RGS7: variants seen among roughly 807,000 people sequenced by gnomAD.
The protein encoded by RGS7 is regulator of G protein signaling 7.
RGS7 carries 27 observed loss-of-function variants against 81.1 expected under a neutral mutation model. The observed-to-expected ratio is 0.33, with a 90% CI of 0.25 to 0.46. The LOEUF (loss-of-function observed/expected upper bound fraction) is 0.46, where lower values mean the gene tolerates loss of function less well. Ranked by LOEUF, RGS7 falls within the 20% of genes least tolerant of loss-of-function variation. RGS7 has a pLI of 1.00. For missense variants in RGS7, 396 were observed against 607.4 expected (o/e 0.65, Z 3.66); for synonymous variants, 208 against 207.7 (o/e 1.00, Z -0.01).
intron 9 of RGS7, among the ~76,000 whole-genome samples, chr1:240,831,273 G>A (rs1262665228): frequency 6.6e-6 from 1 of 152,046 alleles, no homozygotes; most frequent in African/African-American, 2.4e-5. Context: ...AATTCTTGAA[G>A]ATTAAAAAAG....
intron 2 of RGS7, among the ~76,000 whole-genome samples, chr1:241,296,639 C>G (rs1250799021): frequency 6.6e-6 from 1 of 152,212 alleles, no homozygotes; most frequent in Non-Finnish European, 1.5e-5. Context: ...GAGGCCACCA[C>G]CACAGCAACC....
chr1:241,212,191 T>C (rs796150255), intron 2 of RGS7, among the ~76,000 whole-genome samples: 20 of 152,160 alleles, frequency 1.3e-4, no homozygotes, highest in African/African-American at 4.1e-4. Flanking sequence ...AATACACATG[T>C]AATAACTGGA....
intron 4 of RGS7, among the ~76,000 whole-genome samples, chr1:240,967,576 G>T (rs936508719): frequency 1.0e-4 from 13 of 130,242 alleles, no homozygotes; most frequent in Non-Finnish European, 1.9e-4. Flanking sequence ...AGTGGGGGGG[G>T]GGGGGAAAAG....
chr1:241,220,934 G>A (rs2074859357), intron 2 of RGS7, among the ~76,000 whole-genome samples: 2 of 145,440 alleles, frequency 1.4e-5, no homozygotes, highest in Admixed American at 7.2e-5. Context: ...AAGGAAGAAA[G>A]GAAGGAAGGA....
intron 3 of RGS7, among the ~76,000 whole-genome samples, chr1:241,005,100 C>T (rs1484879981): frequency 3.9e-5 from 6 of 152,190 alleles, no homozygotes; most frequent in African/African-American, 1.4e-4. Context: ...GGAGGAAACA[C>T]TCAGGAACTT....
chr1:241,218,074 T>A (rs1423593147), intron 2 of RGS7, among the ~76,000 whole-genome samples: 1 of 152,212 alleles, frequency 6.6e-6, no homozygotes, highest in East Asian at 1.9e-4. Context: ...GATATGTGTG[T>A]GTGTGTATAA....
chr1:240,894,537 C>T (rs1028668783), intron 6 of RGS7, among the ~76,000 whole-genome samples: 1 of 151,790 alleles, frequency 6.6e-6, no homozygotes. Flanking sequence ...TTTACTTGTG[C>T]ACTGAGGTTT....
chr1:240,973,062 G>C (rs887447936), intron 4 of RGS7, among the ~76,000 whole-genome samples: 1 of 150,298 alleles, frequency 6.7e-6, no homozygotes, highest in African/African-American at 2.5e-5. Flanking sequence ...AAAAAAAAAA[G>C]GAGCAGGCAC....
At chr1:241,119,579 G>T (rs187008960) in intron 2 of RGS7, among the ~76,000 whole-genome samples, 13 of 152,278 alleles carry the variant, frequency 8.5e-5, no homozygotes, top group Admixed American at 1.3e-4. Context: ...GGCATGTACT[G>T]ATGACTTGGA....
At chr1:241,089,801 C>G (rs900131657) in intron 3 of RGS7, among the ~76,000 whole-genome samples, 26 of 151,970 alleles carry the variant, frequency 1.7e-4, no homozygotes, top group Non-Finnish European at 3.8e-4. Context: ...GTCAGGAGAT[C>G]GAGACCATCC....
At chr1:240,933,514 AT>A (rs1676061828) in intron 5 of RGS7, among the ~76,000 whole-genome samples, 1 of 151,988 alleles carries the variant, frequency 6.6e-6, no homozygotes. Flanking sequence ...AATATGGAAG[AT>A]TTTTTCTAAG....
intron 2 of RGS7, among the ~76,000 whole-genome samples, chr1:241,304,948 C>A (rs2079996875): frequency 6.6e-6 from 1 of 152,094 alleles, no homozygotes; most frequent in Non-Finnish European, 1.5e-5. Context: ...TCTGTTGTAA[C>A]CCTCTCTTGA....
intron 2 of RGS7, among the ~76,000 whole-genome samples, chr1:241,221,019 A>AGAG (rs1260398208): frequency 8.1e-5 from 9 of 111,440 alleles, no homozygotes; most frequent in East Asian, 9.4e-4. Context: ...GGAAGGAAGG[A>AGAG]AGGAAGGAAG....
intron 2 of RGS7, among the ~76,000 whole-genome samples, chr1:241,105,036 A>C (rs2065014844): frequency 6.6e-6 from 1 of 152,216 alleles, no homozygotes; most frequent in Non-Finnish European, 1.5e-5. Context: ...TTTTGTGAAA[A>C]ATACATTATC....
At chr1:241,178,387 G>A (rs966984230) in intron 2 of RGS7, among the ~76,000 whole-genome samples, 15 of 152,132 alleles carry the variant, frequency 9.9e-5, no homozygotes, top group Admixed American at 2.0e-4. Flanking sequence ...TTTGGGAATC[G>A]TAAAAATTTG....
intron 4 of RGS7, among the ~76,000 whole-genome samples, chr1:240,974,997 G>T (rs527972465): frequency 8.4e-4 from 127 of 152,072 alleles, no homozygotes; most frequent in Non-Finnish European, 1.6e-3. Context: ...TGTCTGCAAA[G>T]CTCATGACCC....
At chr1:241,334,070 T>C (rs1301875112) in intron 2 of RGS7, among the ~76,000 whole-genome samples, 5 of 151,610 alleles carry the variant, frequency 3.3e-5, no homozygotes, top group African/African-American at 1.2e-4. Context: ...TGTATATGTA[T>C]ATGTATATAT....
Position 241,214,800 on chromosome 1 carries a change from G to A in RGS7, c.79-116038C>T, listed in dbSNP as rs527546511. Among the ~76,000 whole-genome samples, 15 of 151,942 alleles carry A rather than the reference G, an allele frequency of 9.9e-5. No homozygotes were observed. The East Asian group carries it at 1.9e-3, about 20-fold the overall frequency. ...GTCTGCTGTTAATCTCATCCAGTAC[G>A]TTTTTTAAAGCTTCATCTATTATAT... On this transcript the variant is annotated intron_variant, in intron 2 of 18. Coordinates refer to ENST00000440928, the MANE Select transcript of RGS7 (RefSeq NM_001364886.1).
chr1:241,255,295 C>T (rs149995564), intron 2 of RGS7, among the ~76,000 whole-genome samples: 132 of 152,294 alleles, frequency 8.7e-4, no homozygotes, highest in African/African-American at 2.8e-3. Flanking sequence ...TATAATGTTT[C>T]AATCCTGAAA....
Sources: allele counts gnomAD v4.1 joint callset (sites outside exome capture counted in the v4.1 genomes callset), GRCh38; gene constraint gnomAD v4.1.1; transcripts MANE v1.5; gene names NCBI Gene and HGNC (gene_info 2026-07-23, HGNC 2026-07-21).